ANKS1A: variants seen among roughly 807,000 people sequenced by gnomAD.
ANKS1A encodes ankyrin repeat and sterile alpha motif domain containing 1A, also known as ankyrin repeat and SAM domain-containing protein 1A.
In ANKS1A, 55 loss-of-function variants were observed where a neutral mutation model predicts 120.3. The observed-to-expected ratio is 0.46, with a 90% confidence interval of 0.37 to 0.57. The LOEUF (loss-of-function observed/expected upper bound fraction) is 0.57. Ranked by LOEUF, ANKS1A falls within the 20% of genes least tolerant of loss-of-function variation. The pLI is 0.00. For missense variants in ANKS1A, 1,123 were observed against 1,480.3 expected (o/e 0.76, Z 3.96); for synonymous variants, 590 against 604.7 (o/e 0.98, Z 0.36).
At chr6:34,899,793 C>A (rs892687048) in intron 1 of ANKS1A, among the ~76,000 whole-genome samples, 17 of 152,244 alleles carry the variant, frequency 1.1e-4, no homozygotes, top group African/African-American at 4.1e-4. Context: ...GCTCACCACT[C>A]TTCCTCTGAT....
rs1778171672 is a variant in ANKS1A at position 35,089,309 on chromosome 6, TGAA to T, written c.*703_*705del. The T allele has an allele frequency of 2.0e-6, 2 of 987,536 alleles. No individual in the cohort carries two copies. Among genetic ancestry groups the T allele is most frequent in the Non-Finnish European group, 2.4e-6 (2 of 831,278 alleles). The allele number at this position is 987,536 out of a possible 1,614,324, so 61.2% of individuals were successfully genotyped here. ...CCGATGGGAAGGTTCAGTGGCCAAA[TGAA>T]GATAAGTGTGCAGTTTCTAGTGCTG... On this transcript the variant is annotated 3_prime_UTR_variant, in exon 24 of 24. Coordinates refer to ENST00000360359, the MANE Select transcript of ANKS1A (RefSeq NM_015245.3).
At chr6:35,081,560 G>A (rs1280991726) in intron 17 of ANKS1A, among the ~76,000 whole-genome samples, 3 of 152,078 alleles carry the variant, frequency 2.0e-5, no homozygotes, top group African/African-American at 4.8e-5. Context: ...GCTTACCCAC[G>A]TTGTTCCCCA....
chr6:35,083,101 C>G (rs1777777411), intron 18 of ANKS1A, 54 bp from the exon 19 acceptor site: 2 of 1,603,828 alleles, frequency 1.2e-6, no homozygotes, highest in South Asian at 1.1e-5. Flanking sequence ...GGTTGGGTCA[C>G]CCCTGCATGG....
intron 11 of ANKS1A, among the ~76,000 whole-genome samples, chr6:35,029,969 C>A (rs1774823759): frequency 6.6e-6 from 1 of 151,932 alleles, no homozygotes; most frequent in East Asian, 1.9e-4. Flanking sequence ...TGCTAGACAT[C>A]CTGTTGATTT....
chr6:34,913,916 A>G (rs1768026471), intron 1 of ANKS1A, among the ~76,000 whole-genome samples: 1 of 151,062 alleles, frequency 6.6e-6, no homozygotes, highest in Non-Finnish European at 1.5e-5. Context: ...TGCCCAGCCA[A>G]TAAAGTAATT....
intron 8 of ANKS1A, among the ~76,000 whole-genome samples, chr6:34,986,308 A>G (rs1772198459): frequency 6.6e-6 from 1 of 152,198 alleles, no homozygotes. Context: ...ATTGTTCTCA[A>G]GATAACTTAC....
intron 15 of ANKS1A, 64 bp downstream of exon 15, chr6:35,079,732 C>A: frequency 6.2e-7 from 1 of 1,612,432 alleles, no homozygotes; most frequent in Non-Finnish European, 8.5e-7. Context: ...TTAGGGGCAG[C>A]CTGGCCCAGC....
At chr6:35,040,859 A>G (rs891793573) in intron 11 of ANKS1A, among the ~76,000 whole-genome samples, 1 of 152,074 alleles carries the variant, frequency 6.6e-6, no homozygotes, top group Non-Finnish European at 1.5e-5. Flanking sequence ...TCTCCCGTAG[A>G]CCTCAGGGAT....
At chr6:34,934,556 G>T (rs547825450) in intron 1 of ANKS1A, among the ~76,000 whole-genome samples, 1 of 152,276 alleles carries the variant, frequency 6.6e-6, no homozygotes, top group South Asian at 2.1e-4. Flanking sequence ...ATTACTCTAG[G>T]ACCCTGTCTG....
chr6:34,996,742 A>T (rs141502250), intron 10 of ANKS1A, among the ~76,000 whole-genome samples: 13 of 152,198 alleles, frequency 8.5e-5, no homozygotes, highest in Admixed American at 2.6e-4. Flanking sequence ...AAGTGCTGGG[A>T]TAACAGGCGT....
At chr6:34,941,523 C>T (rs1295181631) in intron 1 of ANKS1A, among the ~76,000 whole-genome samples, 2 of 152,146 alleles carry the variant, frequency 1.3e-5, no homozygotes, top group African/African-American at 4.8e-5. Flanking sequence ...CCACCTCGGC[C>T]TCACAAAGTA....
chr6:35,067,830 CCT>C (rs2127596245), intron 13 of ANKS1A, among the ~76,000 whole-genome samples: 1 of 151,154 alleles, frequency 6.6e-6, no homozygotes, highest in South Asian at 2.1e-4. Context: ...TATGTTTCCC[CCT>C]GAGGTGATAG....
At chr6:34,991,613 C>A (rs926631847) in intron 9 of ANKS1A, among the ~76,000 whole-genome samples, 3 of 146,610 alleles carry the variant, frequency 2.0e-5, no homozygotes, top group Admixed American at 1.4e-4. Flanking sequence ...CATATATATA[C>A]GTATATACAC....
chr6:34,957,111 C>T (rs1006587670), intron 1 of ANKS1A, among the ~76,000 whole-genome samples: 1 of 152,208 alleles, frequency 6.6e-6, no homozygotes, highest in Non-Finnish European at 1.5e-5. Flanking sequence ...AAAGGATCAA[C>T]ATTTTATGTT....
At chr6:35,019,593 A>G (rs1774219664) in intron 11 of ANKS1A, among the ~76,000 whole-genome samples, 1 of 152,234 alleles carries the variant, frequency 6.6e-6, no homozygotes, top group African/African-American at 2.4e-5. Context: ...GTGGAAAGTC[A>G]CTATGAGTGA....
Position 35,084,029 on chromosome 6 carries a change from C to A in ANKS1A, c.2995-92C>A. 4.5e-6 allele frequency: 7 copies of A among 1,554,534 alleles called. No homozygotes were observed. Among genetic ancestry groups the A allele is most frequent in the Non-Finnish European group, 6.1e-6 (7 of 1,140,296 alleles). On this transcript the variant is annotated intron_variant, in intron 20 of 23. Coordinates refer to ENST00000360359, the MANE Select transcript of ANKS1A (RefSeq NM_015245.3). The surrounding 1 kb of genome is among the most constrained non-coding windows in gnomAD (Gnocchi z 4.8). ...GTTTGCTTGATGCTCTAGGCTGGGA[C>A]AGAGAACAGTGACAATGGTAACAGG...
Position 34,982,873 on chromosome 6 carries a change from G to C in ANKS1A, c.808+46G>C. 1 of 1,612,704 alleles carries C rather than the reference G, an allele frequency of 6.2e-7. No individual in the cohort carries two copies. The highest frequency in any genetic ancestry group is 1.7e-5 in the Admixed American group (1 of 60,004). Reference sequence around the variant, plus strand: ...TTGTCTACACAGCGTGCCAGGGTTGGGATTGTTTCTCCCTAGTCCCCTAGG... The same window carrying C: ...TTGTCTACACAGCGTGCCAGGGTTGCGATTGTTTCTCCCTAGTCCCCTAGG... On this transcript the variant is annotated intron_variant, in intron 5 of 23. Coordinates refer to ENST00000360359, the MANE Select transcript of ANKS1A (RefSeq NM_015245.3). The surrounding 1 kb of genome is among the most constrained non-coding windows in gnomAD (Gnocchi z 4.9).
At chr6:35,024,727 G>A (rs1187962730) in intron 11 of ANKS1A, among the ~76,000 whole-genome samples, 1 of 152,150 alleles carries the variant, frequency 6.6e-6, no homozygotes, top group Non-Finnish European at 1.5e-5. Context: ...TCGCCACCTC[G>A]CCCTTTCCAG....
At position 35,031,943 on chromosome 6, in the gene ANKS1A, C is replaced by T. The variant is rs568516209; in HGVS notation, c.2010+13884C>T. 3.9e-5 allele frequency among the ~76,000 whole-genome samples: 6 copies of T among 152,288 alleles called. No homozygotes were observed. In the East Asian group the frequency reaches 9.7e-4, roughly 25 times the overall value. On this transcript the variant is annotated intron_variant, in intron 11 of 23. Coordinates refer to ENST00000360359, the MANE Select transcript of ANKS1A (RefSeq NM_015245.3). Reference sequence around the variant, plus strand: ...CTATTCTCCCTACTTGGGTGGCTTTCTCCATTTCTTTTTGTTGAAATTCCA... The same window carrying T: ...CTATTCTCCCTACTTGGGTGGCTTTTTCCATTTCTTTTTGTTGAAATTCCA...
Sources: allele counts gnomAD v4.1 joint callset (sites outside exome capture counted in the v4.1 genomes callset), GRCh38; gene constraint gnomAD v4.1.1; non-coding constraint Gnocchi (gnomAD v3.1); transcripts MANE v1.5; gene names NCBI Gene and HGNC (gene_info 2026-07-23, HGNC 2026-07-21).